ASTN1: variants seen among roughly 807,000 people sequenced by gnomAD.
ASTN1 encodes the protein astrotactin-1.
Under a neutral mutation model 140.7 loss-of-function variants are expected in ASTN1, and 41 were observed. The observed-to-expected ratio is 0.29, with a 90% CI of 0.23 to 0.38. ASTN1 has a LOEUF of 0.38. ASTN1 is among the 10% of genes least tolerant of loss of function. ASTN1 has a pLI of 1.00. For synonymous variants in ASTN1, 640 were observed against 652.2 expected, an observed-to-expected ratio of 0.98 and a Z score of 0.29; for missense variants, 1,479 against 1,678.8, an observed-to-expected ratio of 0.88 and a Z score of 2.08.
intron 7 of ASTN1, among the ~76,000 whole-genome samples, chr1:177,017,034 C>T (rs181611053): frequency 6.6e-6 from 1 of 152,336 alleles, no homozygotes; most frequent in African/African-American, 2.4e-5. Flanking sequence ...TTCTCTTTCA[C>T]ATTTGATATC....
At chr1:176,992,580 A>G (rs1190977811) in intron 8 of ASTN1, among the ~76,000 whole-genome samples, 1 of 152,214 alleles carries the variant, frequency 6.6e-6, no homozygotes. Context: ...AAACTGAAAT[A>G]GCAAAAGAAG....
At chr1:177,129,351 G>A (rs1007251210) in intron 1 of ASTN1, among the ~76,000 whole-genome samples, 10 of 152,182 alleles carry the variant, frequency 6.6e-5, no homozygotes, top group Non-Finnish European at 1.3e-4. Flanking sequence ...TAAGGACAGA[G>A]GAAAGGCTTG....
intron 8 of ASTN1, among the ~76,000 whole-genome samples, chr1:176,984,339 G>A (rs1673782022): frequency 6.6e-6 from 1 of 152,116 alleles, no homozygotes; most frequent in African/African-American, 2.4e-5. Flanking sequence ...GATGGGGGAT[G>A]GTAAGCATTA....
At chr1:176,883,949 A>G (rs891305652) in intron 19 of ASTN1, among the ~76,000 whole-genome samples, 2 of 152,218 alleles carry the variant, frequency 1.3e-5, no homozygotes, top group Non-Finnish European at 2.9e-5. Context: ...TTATTAGCAA[A>G]GGAATTTTTT....
chr1:177,043,118 A>G (rs1454941681), intron 2 of ASTN1, among the ~76,000 whole-genome samples: 1 of 152,208 alleles, frequency 6.6e-6, no homozygotes, highest in Non-Finnish European at 1.5e-5. Flanking sequence ...GGTAGATGTA[A>G]AGTGAAATCA....
intron 8 of ASTN1, among the ~76,000 whole-genome samples, chr1:176,993,819 C>T (rs1327302421): frequency 6.6e-6 from 1 of 152,202 alleles, no homozygotes; most frequent in Non-Finnish European, 1.5e-5. Context: ...TTCATTCACT[C>T]ATTCATTCAG....
At chr1:177,096,240 T>C (rs190334627) in intron 1 of ASTN1, among the ~76,000 whole-genome samples, 52 of 152,294 alleles carry the variant, frequency 3.4e-4, no homozygotes, top group Non-Finnish European at 3.5e-4. Context: ...CTGATTTAGA[T>C]AGTATTTAGA....
intron 1 of ASTN1, among the ~76,000 whole-genome samples, chr1:177,127,997 A>G (rs1681745426): frequency 7.0e-6 from 1 of 143,284 alleles, no homozygotes; most frequent in Non-Finnish European, 1.6e-5. Flanking sequence ...AGGTTCTAAT[A>G]AAATAAAACA....
At chr1:177,146,458 T>C (rs1351543712) in intron 1 of ASTN1, among the ~76,000 whole-genome samples, 3 of 152,242 alleles carry the variant, frequency 2.0e-5, no homozygotes, top group Non-Finnish European at 4.4e-5. Context: ...TCATTGTCCA[T>C]GTTGAGACTT....
intron 16 of ASTN1, among the ~76,000 whole-genome samples, chr1:176,903,637 C>A (rs1409075671): frequency 6.6e-6 from 1 of 152,168 alleles, no homozygotes; most frequent in East Asian, 1.9e-4. Flanking sequence ...GCCTCCTACA[C>A]TCCTCCTTTT....
chr1:177,021,146 T>G (rs1675802081), intron 7 of ASTN1, among the ~76,000 whole-genome samples: 1 of 152,222 alleles, frequency 6.6e-6, no homozygotes, highest in South Asian at 2.1e-4. Context: ...CCAGCATTCA[T>G]GAAAATGAGA....
At chr1:177,033,023 T>A (rs1451899607) in intron 2 of ASTN1, among the ~76,000 whole-genome samples, 174 bp from the exon 3 acceptor site, 2 of 152,148 alleles carry the variant, frequency 1.3e-5, no homozygotes, top group Non-Finnish European at 2.9e-5. Flanking sequence ...CTACTGTGAC[T>A]GGTATTTAGG....
At chr1:177,133,857 C>G (rs986553602) in intron 1 of ASTN1, among the ~76,000 whole-genome samples, 2 of 152,178 alleles carry the variant, frequency 1.3e-5, no homozygotes, top group African/African-American at 4.8e-5. Flanking sequence ...AGGGAAGGAA[C>G]AGGTCACATT....
chr1:176,892,799 C>A (rs1669321453), intron 17 of ASTN1, among the ~76,000 whole-genome samples: 1 of 152,210 alleles, frequency 6.6e-6, no homozygotes, highest in South Asian at 2.1e-4. Context: ...AGCTTCTTCA[C>A]TCGTCATCTC....
chr1:176,886,357 C>A (rs1284708436), intron 18 of ASTN1, among the ~76,000 whole-genome samples: 2 of 152,316 alleles, frequency 1.3e-5, no homozygotes, highest in East Asian at 3.9e-4. Flanking sequence ...ATGGCTGGAT[C>A]TTGTGTCCAC....
At chr1:176,937,240 T>G (rs577868520) in intron 14 of ASTN1, among the ~76,000 whole-genome samples, 1 of 152,268 alleles carries the variant, frequency 6.6e-6, no homozygotes, top group Non-Finnish European at 1.5e-5. Context: ...AGTATTTAAG[T>G]TTCAATTTCT....
In ASTN1 at chr1:176,876,583, C is replaced by G; in HGVS notation, c.3417G>C (p.Val1139=). ...CCACGGGGCATGGGGTCTTCACGAT[C>G]ACGTCGCTTGGCCTGGAGCGCCGTC... is the stretch of plus-strand genomic sequence containing the variant. ...NTGRRSRPSD[V]IVKTPCPVVD... is the part of the protein sequence containing the mutation. The change falls in exon 21 of 23, where the codon GTG becomes GTC. Residue 1139 remains valine (V), a synonymous_variant. Coordinates refer to ENST00000361833, the MANE Select transcript of ASTN1 (RefSeq NM_004319.3). The G allele has an allele frequency of 6.2e-7, 1 of 1,614,176 alleles. No homozygotes were observed. Among genetic ancestry groups the G allele is most frequent in the Non-Finnish European group, 8.5e-7 (1 of 1,180,036 alleles).
At chr1:177,146,110 C>T (rs557836610) in intron 1 of ASTN1, among the ~76,000 whole-genome samples, 310 of 152,050 alleles carry the variant, frequency 2.0e-3, no homozygotes, top group Non-Finnish European at 3.7e-3. Flanking sequence ...AAAAAAAAAC[C>T]TATATTTTCC....
intron 21 of ASTN1, among the ~76,000 whole-genome samples, chr1:176,870,652 C>T (rs763855929): frequency 2.0e-5 from 3 of 152,126 alleles, no homozygotes; most frequent in Non-Finnish European, 4.4e-5. Flanking sequence ...TCTCTTGATA[C>T]CAGGTGACAC....
Sources: gnomAD v4.1 joint callset for allele counts (sites outside exome capture counted in the v4.1 genomes callset) on GRCh38, gnomAD v4.1.1 for gene constraint, MANE v1.5 for transcripts, NCBI Gene and HGNC (gene_info 2026-07-23, HGNC 2026-07-21) for gene names.